The following CIRBP variants were observed in gnomAD, a reference collection of about 807,000 sequenced individuals.
The protein encoded by CIRBP is cold-inducible RNA-binding protein.
Under a neutral mutation model 22.3 loss-of-function variants are expected in CIRBP, and 11 were observed. The observed-to-expected ratio is 0.49, with a 90% CI of 0.31 to 0.82. The LOEUF is 0.82. CIRBP is among the 40% of genes least tolerant of loss of function. The pLI, the probability that CIRBP is intolerant of heterozygous loss-of-function variation, is 0.05. For synonymous variants in CIRBP, 216 were observed against 158.8 expected (o/e 1.36, Z -2.71); for missense variants, 456 against 402.7 (o/e 1.13, Z -1.13).
At chr19:1,271,684 C>T in intron 5 of CIRBP, 52 bp downstream of exon 5, 1 of 1,174,622 alleles carries the variant, frequency 8.5e-7, no homozygotes, top group Non-Finnish European at 1.2e-6. Flanking sequence ...TGGCCAGCTT[C>T]CGTCCCGGGT....
chr19:1,274,099 T>C lies in CIRBP; in HGVS notation c.*1656T>C, dbSNP rs1215449565. 5 of 388,202 alleles carry C rather than the reference T, an allele frequency of 1.3e-5. No individual in the cohort carries two copies. The highest frequency in any genetic ancestry group is 2.3e-5 in the Non-Finnish European group (5 of 219,918). The allele number at this position is 388,202 out of a possible 1,614,324, so 24.0% of individuals were successfully genotyped here. A position where few individuals can be genotyped will look rare whatever the true frequency, so the allele number is the denominator to read the frequency against. ...TTTCTAGAGCCCACACTGGCCCACA[T>C]AGCTCCATCCCATACGGGTAGCTGG... On this transcript the variant is annotated 3_prime_UTR_variant, in exon 6 of 6. Coordinates refer to ENST00000587896, the MANE Select transcript of CIRBP (RefSeq NM_001300829.2).
rs1308842509 is a variant in CIRBP, at chr19:1,272,169, C to G, written c.620C>G (p.Pro207Arg). 3.7e-6 allele frequency: 6 copies of G among 1,604,842 alleles called. No individual in the cohort carries two copies. The highest frequency in any genetic ancestry group is 3.4e-5 in the Admixed American group (2 of 58,226). Residue 207 changes from proline to arginine, a missense_variant, in exon 6 of 6, where the codon CCA becomes CGA. Around this residue, in one of 2 missense-constraint regions of CIRBP, gnomAD observed 426 missense variants for 339.6 expected, o/e 1.25. Transcript: ENST00000587896. ...WTLRPCHCAC[P>R]EEAHLSSQSH... ...CTCAGACCTTGTCACTGTGCTTGCC[C>G]AGAAGAGGCGCATCTGTCCTCTCAG...
At chr19:1,270,335 C>G (rs112820673) in intron 1 of CIRBP, 2 of 353,860 alleles carry the variant, frequency 5.7e-6, no homozygotes, top group South Asian at 2.1e-5. Flanking sequence ...GGCACCCGTT[C>G]GGAAATAGGA....
In CIRBP at chr19:1,274,421, G is replaced by C; in HGVS notation, c.*1978G>C. On this transcript the variant is annotated 3_prime_UTR_variant, in exon 6 of 6. Transcript: ENST00000587896. ...GAACAAGAGCTGGAGGCAGCCGCTT[G>C]CCCAGGAGGCTTGTCCCCTGTAAGT... 1 of 399,876 alleles carries C rather than the reference G, an allele frequency of 2.5e-6. No homozygotes were observed. The highest frequency in any genetic ancestry group is 4.4e-6 in the Non-Finnish European group (1 of 225,674). The allele number at this position is 399,876 out of a possible 1,614,324, so 24.8% of individuals were successfully genotyped here.
intron 1 of CIRBP, chr19:1,269,877 C>T (rs151110388): frequency 3.8e-6 from 2 of 519,860 alleles, no homozygotes; most frequent in East Asian, 5.5e-5. Context: ...GAAAGGACGG[C>T]CTCGTAAATC....
Position 1,272,747 on chromosome 19 carries a change from G to T in CIRBP, c.*304G>T. The T allele has an allele frequency of 3.7e-6, 1 of 272,502 alleles. No individual in the cohort carries two copies. The highest frequency in any genetic ancestry group is 1.2e-4 in the South Asian group (1 of 8,500). 16.9% of individuals were successfully genotyped at this position (272,502 alleles called of 1,614,324 possible). On this transcript the variant is annotated 3_prime_UTR_variant, in exon 6 of 6. Coordinates refer to ENST00000587896, the MANE Select transcript of CIRBP (RefSeq NM_001300829.2). Reference sequence around the variant, plus strand: ...AAAATCGGGGGTTGTGTGGGTTTTTGGTTTTTGTTTTAGTTTTTGGTTGCG... The same window carrying T: ...AAAATCGGGGGTTGTGTGGGTTTTTTGTTTTTGTTTTAGTTTTTGGTTGCG...
At chr19:1,269,968 A>G (rs1177338170) in intron 1 of CIRBP, 1 of 519,892 alleles carries the variant, frequency 1.9e-6, no homozygotes, top group East Asian at 5.4e-5. Context: ...CCAAGTTGGC[A>G]CAGCTCCCAG....
chr19:1,271,612 C>T lies in CIRBP; in HGVS notation c.411C>T (p.Gly137=), dbSNP rs566738979. ...AGTCCAGGAGTGGGGGCTACGGAGGCTCCAGAGACTACTATAGCAGGTGAG... is the reference window on the plus strand; with the variant it reads ...AGTCCAGGAGTGGGGGCTACGGAGGTTCCAGAGACTACTATAGCAGGTGAG... ...RFESRSGGYG[G]SRDYYSSRSQ... The change falls in exon 5 of 6, where the codon GGC becomes GGT. Residue 137 remains glycine (G), a synonymous_variant. Transcript: ENST00000587896. 8 of 1,552,738 alleles carry T rather than the reference C, an allele frequency of 5.2e-6. No homozygotes were observed. The highest frequency in any genetic ancestry group is 1.2e-5 in the South Asian group (1 of 85,044).
At chr19:1,271,744 G>A in intron 5 of CIRBP, 112 bp downstream of exon 5, 3 of 774,784 alleles carry the variant, frequency 3.9e-6, no homozygotes, top group Non-Finnish European at 6.2e-6. Context: ...AAGGAGCAGA[G>A]GCAGGTGGGG....
rs561386583 is a variant in CIRBP at position 1,274,089 on chromosome 19, C to G, written c.*1646C>G. On this transcript the variant is annotated 3_prime_UTR_variant, in exon 6 of 6. Transcript: ENST00000587896. ...CATTAGTTTTTTTCTAGAGCCCACA[C>G]TGGCCCACATAGCTCCATCCCATAC... 2.6e-6 allele frequency: 1 copy of G among 385,860 alleles called. No homozygotes were observed. Among genetic ancestry groups the G allele is most frequent in the East Asian group, 3.7e-5 (1 of 27,258 alleles). 23.9% of individuals were successfully genotyped at this position (385,860 alleles called of 1,614,324 possible). A position where few individuals can be genotyped will look rare whatever the true frequency, so the allele number is the denominator to read the frequency against.
rs2081332952 is a variant in CIRBP, at chr19:1,271,152, AAGAC to A, written c.119_122del (p.Asp40GlyfsTer24). 1 of 1,613,840 alleles carries A rather than the reference AAGAC, an allele frequency of 6.2e-7. No individual in the cohort carries two copies. Among genetic ancestry groups the A allele is most frequent in the Admixed American group, 1.7e-5 (1 of 60,000 alleles). The stretch of plus-strand genomic sequence containing the variant: ...CTCCCCTGCACAGTGGTGGTTGTGA[AAGAC>A]AGGGAGACCCAGAGATCTCGGGGAT... On this transcript the variant is annotated frameshift_variant, in exon 3 of 6. Coordinates refer to ENST00000587896, the MANE Select transcript of CIRBP (RefSeq NM_001300829.2). LOFTEE classifies it high-confidence loss of function.
rs569011177 is a variant in CIRBP, at chr19:1,274,185, G to C, written c.*1742G>C. ...ATGCTGGCCTGTGACGGAGCCTGAG[G>C]TCACAGCCCCCTGACTAGCCTGAGA... On this transcript the variant is annotated 3_prime_UTR_variant, in exon 6 of 6. Transcript: ENST00000587896. 5.8e-5 allele frequency: 23 copies of C among 397,632 alleles called. No homozygotes were observed. In the South Asian group the frequency reaches 2.9e-3, roughly 51 times the overall value. The allele number at this position is 397,632 out of a possible 1,614,324, so 24.6% of individuals were successfully genotyped here. A position where few individuals can be genotyped will look rare whatever the true frequency, so the allele number is the denominator to read the frequency against.
At position 1,274,332 on chromosome 19, in the gene CIRBP, G is replaced by C; in HGVS notation, c.*1889G>C. 2.5e-6 allele frequency: 1 copy of C among 401,304 alleles called. No individual in the cohort carries two copies. The highest frequency in any genetic ancestry group is 2.0e-5 in the African/African-American group (1 of 48,832). 24.9% of individuals were successfully genotyped at this position (401,304 alleles called of 1,614,324 possible). On this transcript the variant is annotated 3_prime_UTR_variant, in exon 6 of 6. Transcript: ENST00000587896. The stretch of plus-strand genomic sequence containing the variant: ...GTTGAAGGGGCCCGGCCAGGACTCG[G>C]GGAAGGGTGGCCTGAGAGCAGCGAT...
chr19:1,269,730 G>A (rs2081302108), intron 1 of CIRBP: 3 of 364,850 alleles, frequency 8.2e-6, no homozygotes, highest in African/African-American at 4.3e-5. Flanking sequence ...GCATGCGCAC[G>A]CGGCGGGGGC....
intron 1 of CIRBP, among the ~76,000 whole-genome samples, chr19:1,269,644 G>C (rs986541663): frequency 6.6e-6 from 1 of 151,902 alleles, no homozygotes; most frequent in African/African-American, 2.4e-5. Flanking sequence ...TGGCGGCCGC[G>C]AGCTCGAGGC....
chr19:1,273,195 C>T lies in CIRBP; in HGVS notation c.*752C>T, dbSNP rs1008327835. On this transcript the variant is annotated 3_prime_UTR_variant, in exon 6 of 6. Coordinates refer to ENST00000587896, the MANE Select transcript of CIRBP (RefSeq NM_001300829.2). The stretch of plus-strand genomic sequence containing the variant: ...GAACCTTGCTCTGACAATTCCCTTG[C>T]ATTGCACCACACACTCCTTGCTGCG... 6.6e-6 allele frequency: 1 copy of T among 152,264 alleles called. No individual in the cohort carries two copies. Among genetic ancestry groups the T allele is most frequent in the Non-Finnish European group, 1.5e-5 (1 of 68,056 alleles). 9.4% of individuals were successfully genotyped at this position (152,264 alleles called of 1,614,324 possible).
chr19:1,269,599 TCCGGGCCGCCGGC>T (rs1301531087), intron 1 of CIRBP, among the ~76,000 whole-genome samples, 189 bp downstream of exon 1: 1 of 151,448 alleles, frequency 6.6e-6, no homozygotes, highest in African/African-American at 2.4e-5. Context: ...TCCCCGCCGG[TCCGGGCCGCCGGC>T]GACCCGGTTG....
chr19:1,271,307 C>T, intron 3 of CIRBP, 22 bp from the exon 4 acceptor site: 1 of 1,614,058 alleles, frequency 6.2e-7, no homozygotes, highest in African/African-American at 1.3e-5. Flanking sequence ...ACCTGCTAAC[C>T]CGTCCCGCCC....
rs1317152318 is a variant in CIRBP at position 1,272,940 on chromosome 19, G to T, written c.*497G>T. Reference sequence around the variant, plus strand: ...GTGTAGTGTGGTAGGACCCCGGCGGGTGTGGCAGCAACTGCCCTGGAGCCC... The same window carrying T: ...GTGTAGTGTGGTAGGACCCCGGCGGTTGTGGCAGCAACTGCCCTGGAGCCC... On this transcript the variant is annotated 3_prime_UTR_variant, in exon 6 of 6. Coordinates refer to ENST00000587896, the MANE Select transcript of CIRBP (RefSeq NM_001300829.2). 6.4e-6 allele frequency: 1 copy of T among 155,308 alleles called. No individual in the cohort carries two copies. Among genetic ancestry groups the T allele is most frequent in the Non-Finnish European group, 1.4e-5 (1 of 69,968 alleles). 9.6% of individuals were successfully genotyped at this position (155,308 alleles called of 1,614,324 possible). A position where few individuals can be genotyped will look rare whatever the true frequency, so the allele number is the denominator to read the frequency against.
Sources: gnomAD v4.1 joint callset for allele counts (sites outside exome capture counted in the v4.1 genomes callset) on GRCh38, gnomAD v4.1.1 for gene constraint, gnomAD v4.1.1 regional missense constraint, MANE v1.5 for transcripts, NCBI Gene and HGNC (gene_info 2026-07-23, HGNC 2026-07-21) for gene names.